Variants in ASTN2 observed in about 807,000 individuals in gnomAD.
ASTN2 encodes the protein astrotactin 2.
A neutral mutation model predicts 139.8 loss-of-function variants in ASTN2; 54 were observed. That is an observed-to-expected ratio of 0.39 (90% confidence interval 0.31 to 0.48). The LOEUF (loss-of-function observed/expected upper bound fraction) is 0.48. Among genes scored for constraint, ASTN2 ranks in the 20% least tolerant of loss-of-function variants. The pLI is 0.95. For missense variants in ASTN2, 1,565 were observed against 1,725.1 expected, an observed-to-expected ratio of 0.91 and a Z score of 1.64; for synonymous variants, 756 against 719.5, an observed-to-expected ratio of 1.05 and a Z score of -0.81.
intron 17 of ASTN2, among the ~76,000 whole-genome samples, chr9:116,633,244 A>G (rs1402024063): frequency 6.6e-6 from 1 of 152,188 alleles, no homozygotes; most frequent in Non-Finnish European, 1.5e-5. Context: ...CCATCTAATC[A>G]TGAGTCATCT....
chr9:117,363,687 C>T (rs1362830423), intron 1 of ASTN2, among the ~76,000 whole-genome samples: 1 of 152,080 alleles, frequency 6.6e-6, no homozygotes, highest in African/African-American at 2.4e-5. Context: ...TTTGAAGATA[C>T]AGAGATTAGG....
intron 11 of ASTN2, among the ~76,000 whole-genome samples, chr9:116,836,774 T>G (rs1832009276): frequency 6.6e-6 from 1 of 152,088 alleles, no homozygotes; most frequent in African/African-American, 2.4e-5. Context: ...GTCTTATGCT[T>G]GTTTTATATA....
chr9:116,944,803 G>A (rs1379186914), intron 10 of ASTN2, among the ~76,000 whole-genome samples: 1 of 152,008 alleles, frequency 6.6e-6, no homozygotes, highest in Non-Finnish European at 1.5e-5. Context: ...AATGCTGGTT[G>A]GATATGAGGC....
At chr9:117,112,815 A>G (rs777918706) in intron 4 of ASTN2, among the ~76,000 whole-genome samples, 8 of 152,172 alleles carry the variant, frequency 5.3e-5, no homozygotes, top group Non-Finnish European at 1.0e-4. Context: ...AAGAAAAGGA[A>G]AGACAAGCTA....
chr9:116,684,432 T>G (rs904968035), intron 16 of ASTN2, among the ~76,000 whole-genome samples: 4 of 152,134 alleles, frequency 2.6e-5, no homozygotes, highest in Non-Finnish European at 4.4e-5. Flanking sequence ...TTTCTACAAT[T>G]TTGACTAAAT....
At chr9:116,694,662 G>A (rs1235868722) in intron 16 of ASTN2, among the ~76,000 whole-genome samples, 7 of 147,894 alleles carry the variant, frequency 4.7e-5, no homozygotes, top group Admixed American at 1.3e-4. Flanking sequence ...TAGTAGAGAC[G>A]GAGTTTCACC....
At chr9:116,541,471 T>C (rs1252268143) in intron 19 of ASTN2, among the ~76,000 whole-genome samples, 1 of 152,166 alleles carries the variant, frequency 6.6e-6, no homozygotes, top group Admixed American at 6.5e-5. Flanking sequence ...TTGCCATGGT[T>C]TTCCTAGTTA....
At chr9:116,686,902 G>C in intron 16 of ASTN2, 1 of 1,516,652 alleles carries the variant, frequency 6.6e-7, no homozygotes. Context: ...GACTTCCCCA[G>C]AATGGAAGTT....
intron 11 of ASTN2, among the ~76,000 whole-genome samples, chr9:116,828,925 A>C (rs1831722076): frequency 6.6e-6 from 1 of 152,170 alleles, no homozygotes; most frequent in African/African-American, 2.4e-5. Context: ...TAGCCACAAA[A>C]ATAAAATATC....
chr9:116,507,992 G>A (rs1475250502), intron 19 of ASTN2, among the ~76,000 whole-genome samples: 3 of 152,064 alleles, frequency 2.0e-5, no homozygotes, highest in Non-Finnish European at 4.4e-5. Flanking sequence ...GGGTTCAGGC[G>A]GTTCTCCTGC....
At chr9:117,324,048 C>T (rs1255215073) in intron 1 of ASTN2, among the ~76,000 whole-genome samples, 1 of 152,076 alleles carries the variant, frequency 6.6e-6, no homozygotes, top group African/African-American at 2.4e-5. Flanking sequence ...TCAGCCCATA[C>T]AGTACATAAT....
intron 5 of ASTN2, among the ~76,000 whole-genome samples, chr9:117,087,358 C>G (rs998008965): frequency 3.3e-5 from 5 of 152,052 alleles, no homozygotes; most frequent in Non-Finnish European, 5.9e-5. Flanking sequence ...CCTCAGCCTC[C>G]TGAGTAGCTG....
At chr9:116,575,729 T>G (rs1169839663) in intron 19 of ASTN2, among the ~76,000 whole-genome samples, 1 of 152,200 alleles carries the variant, frequency 6.6e-6, no homozygotes, top group Non-Finnish European at 1.5e-5. Context: ...AGCAAGTTCC[T>G]TAATCATTTT....
intron 3 of ASTN2, among the ~76,000 whole-genome samples, chr9:117,211,021 G>C (rs534998889): frequency 6.8e-6 from 1 of 146,748 alleles, no homozygotes; most frequent in African/African-American, 2.5e-5. Context: ...ATATCTCCTC[G>C]TGATAAAAAC....
intron 6 of ASTN2, among the ~76,000 whole-genome samples, chr9:117,033,407 A>T (rs1838301861): frequency 6.6e-6 from 1 of 152,110 alleles, no homozygotes; most frequent in Non-Finnish European, 1.5e-5. Context: ...GTATTGAGCT[A>T]AAAGCTTTAT....
At chr9:116,544,046 G>C (rs1293217474) in intron 19 of ASTN2, among the ~76,000 whole-genome samples, 1 of 152,126 alleles carries the variant, frequency 6.6e-6, no homozygotes, top group Non-Finnish European at 1.5e-5. Context: ...AGTTAGCAAT[G>C]TCCAAATTCC....
Position 116,622,603 on chromosome 9 carries a change from C to T in ASTN2, c.3073-2160G>A, listed in dbSNP as rs528747109. 7.9e-5 allele frequency among the ~76,000 whole-genome samples: 12 copies of T among 152,270 alleles called. No individual in the cohort carries two copies. In the East Asian group the frequency reaches 2.1e-3, roughly 27 times the overall value. The stretch of plus-strand genomic sequence containing the variant: ...GCAAGTAAATGGTGGAAACAGAATC[C>T]CAACCCAGATTTCTGTGACTCCCAA... On this transcript the variant is annotated intron_variant, in intron 17 of 22. Transcript: ENST00000313400.
At chr9:116,653,767 C>T (rs1858054485) in intron 16 of ASTN2, among the ~76,000 whole-genome samples, 1 of 152,220 alleles carries the variant, frequency 6.6e-6, no homozygotes, top group Non-Finnish European at 1.5e-5. Flanking sequence ...ATAAACACAG[C>T]CTTCATTCAT....
At chr9:117,293,576 C>T (rs566352695) in intron 1 of ASTN2, among the ~76,000 whole-genome samples, 2 of 152,280 alleles carry the variant, frequency 1.3e-5, no homozygotes, top group South Asian at 2.1e-4. Flanking sequence ...AACCCATTGT[C>T]GTTCTGGGGA....
Sources: gnomAD v4.1 joint callset for allele counts (sites outside exome capture counted in the v4.1 genomes callset) on GRCh38, gnomAD v4.1.1 for gene constraint, MANE v1.5 for transcripts, NCBI Gene and HGNC (gene_info 2026-07-23, HGNC 2026-07-21) for gene names.